GMDS: variants seen among roughly 807,000 people sequenced by gnomAD.
GMDS encodes the protein GDP-mannose 4,6 dehydratase.
A neutral mutation model predicts 49.9 loss-of-function variants in GMDS; 20 were observed. The ratio of observed to expected loss-of-function variants is 0.40; its 90% CI spans 0.28 to 0.58. The LOEUF (loss-of-function observed/expected upper bound fraction) is 0.58, where lower values mean the gene tolerates loss of function less well. GMDS is among the 20% of genes least tolerant of loss of function. GMDS has a pLI of 0.42. For synonymous variants in GMDS, 177 were observed against 178.6 expected (o/e 0.99, Z 0.07); for missense variants, 362 against 481.4 (o/e 0.75, Z 2.32).
chr6:1,981,318 T>C (rs1479032850), intron 4 of GMDS, among the ~76,000 whole-genome samples: 1 of 150,746 alleles, frequency 6.6e-6, no homozygotes, highest in Non-Finnish European at 1.5e-5. Flanking sequence ...AGAGAGAAGA[T>C]TCAAATAAAC....
At chr6:2,084,380 T>C (rs1474336881) in intron 4 of GMDS, among the ~76,000 whole-genome samples, 1 of 152,228 alleles carries the variant, frequency 6.6e-6, no homozygotes. Context: ...GACAAGCTGC[T>C]TATTTGTTCA....
intron 6 of GMDS, among the ~76,000 whole-genome samples, chr6:1,952,856 G>A (rs1763423856): frequency 6.6e-6 from 1 of 152,126 alleles, no homozygotes; most frequent in Non-Finnish European, 1.5e-5. Flanking sequence ...GAAATACGCT[G>A]TCAACAGGGA....
intron 1 of GMDS, among the ~76,000 whole-genome samples, chr6:2,136,162 C>T (rs969536996): frequency 4.6e-5 from 7 of 152,136 alleles, no homozygotes; most frequent in Middle Eastern, 3.2e-3. Context: ...TGTATGGTCC[C>T]TTGCTGACCC....
At chr6:2,004,863 T>G (rs1346877238) in intron 4 of GMDS, among the ~76,000 whole-genome samples, 2 of 152,182 alleles carry the variant, frequency 1.3e-5, no homozygotes, top group Non-Finnish European at 2.9e-5. Context: ...ATAATGCTCG[T>G]TAGAAAATTA....
intron 7 of GMDS, among the ~76,000 whole-genome samples, chr6:1,745,509 G>C (rs1344700592): frequency 6.6e-6 from 1 of 152,046 alleles, no homozygotes; most frequent in Non-Finnish European, 1.5e-5. Context: ...GCTACTGGTG[G>C]GTCACTTTAA....
At chr6:1,733,608 C>T (rs967350573) in intron 8 of GMDS, among the ~76,000 whole-genome samples, 14 of 152,182 alleles carry the variant, frequency 9.2e-5, no homozygotes, top group African/African-American at 2.4e-4. Flanking sequence ...CTTGAGGCCA[C>T]GAGCTTGAGA....
intron 8 of GMDS, among the ~76,000 whole-genome samples, chr6:1,738,807 C>G (rs1400463857): frequency 1.3e-5 from 2 of 152,240 alleles, no homozygotes; most frequent in Non-Finnish European, 2.9e-5. Context: ...CTCTCCCTCT[C>G]CATGTTCTCG....
chr6:1,947,019 G>A (rs1333208896), intron 6 of GMDS, among the ~76,000 whole-genome samples: 1 of 152,244 alleles, frequency 6.6e-6, no homozygotes, highest in Non-Finnish European at 1.5e-5. Context: ...GAAGTAGATA[G>A]ATCATTTTTC....
At chr6:2,069,861 G>A (rs1056264501) in intron 4 of GMDS, among the ~76,000 whole-genome samples, 26 of 152,174 alleles carry the variant, frequency 1.7e-4, no homozygotes, top group African/African-American at 4.3e-4. Flanking sequence ...TCAGTGTGGC[G>A]ATCCCTCAGG....
At chr6:1,821,561 A>AAACTGTGT (rs1480113224) in intron 7 of GMDS, among the ~76,000 whole-genome samples, 2 of 151,442 alleles carry the variant, frequency 1.3e-5, no homozygotes, top group East Asian at 3.9e-4. Context: ...TTTAATATAT[A>AAACTGTGT]AACTGTGTAA....
intron 7 of GMDS, among the ~76,000 whole-genome samples, chr6:1,811,258 A>T (rs968209156): frequency 1.3e-5 from 2 of 152,232 alleles, no homozygotes; most frequent in African/African-American, 4.8e-5. Context: ...TTTCCATAAA[A>T]GTCATCTAAG....
intron 7 of GMDS, among the ~76,000 whole-genome samples, chr6:1,869,686 C>A (rs1483283756): frequency 1.3e-5 from 2 of 152,214 alleles, no homozygotes; most frequent in African/African-American, 2.4e-5. Flanking sequence ...AGCAAAAACA[C>A]AGGCAGAAAG....
At chr6:2,210,007 A>T (rs1779994323) in intron 1 of GMDS, among the ~76,000 whole-genome samples, 1 of 152,232 alleles carries the variant, frequency 6.6e-6, no homozygotes, top group South Asian at 2.1e-4. Flanking sequence ...TGTTGTATGT[A>T]ATTAGTGAAA....
intron 7 of GMDS, among the ~76,000 whole-genome samples, chr6:1,801,275 C>CA (rs35634671): frequency 6.6e-6 from 1 of 152,128 alleles, no homozygotes; most frequent in Non-Finnish European, 1.5e-5. Flanking sequence ...CATGAGTTTT[C>CA]AAAAAAGCAA....
intron 4 of GMDS, among the ~76,000 whole-genome samples, chr6:2,098,071 T>A (rs139286291): frequency 0.013 from 1,916 of 152,116 alleles, 15 homozygotes; most frequent in African/African-American, 0.014. Context: ...TATTATTATT[T>A]TTTTGAGACG....
chr6:2,136,591 G>T (rs1401310816), intron 1 of GMDS, among the ~76,000 whole-genome samples: 2 of 152,048 alleles, frequency 1.3e-5, no homozygotes, highest in Non-Finnish European at 2.9e-5. Context: ...TTTTTAATTA[G>T]CTGGGTGTGT....
chr6:2,004,271 T>C (rs972272374), intron 4 of GMDS, among the ~76,000 whole-genome samples: 3 of 152,216 alleles, frequency 2.0e-5, no homozygotes, highest in African/African-American at 7.2e-5. Flanking sequence ...TAAAGCAGCA[T>C]AGTCTTTAAA....
chr6:2,190,241 T>C (rs1346746715), intron 1 of GMDS, among the ~76,000 whole-genome samples: 2 of 152,272 alleles, frequency 1.3e-5, no homozygotes, highest in Admixed American at 1.3e-4. Context: ...TAAACGTTTC[T>C]AATAAAAGCA....
At chr6:1,676,681 A>G (rs12179814) in intron 9 of GMDS, among the ~76,000 whole-genome samples, 50,686 of 152,024 alleles carry the variant, frequency 0.33, 8,840 homozygotes, top group Middle Eastern at 0.47. Flanking sequence ...AGAAATGGGG[A>G]AAGGATTCCC....
Sources: gnomAD v4.1 joint callset for allele counts (sites outside exome capture counted in the v4.1 genomes callset) on GRCh38, gnomAD v4.1.1 for gene constraint, MANE v1.5 for transcripts, NCBI Gene and HGNC (gene_info 2026-07-23, HGNC 2026-07-21) for gene names.